SRGAP3: variants seen among roughly 807,000 people sequenced by gnomAD.
The protein encoded by SRGAP3 is SLIT-ROBO Rho GTPase activating protein 3, also known as SLIT-ROBO Rho GTPase-activating protein 3.
In SRGAP3, 39 loss-of-function variants were observed where a neutral mutation model predicts 121.1. The observed-to-expected ratio is 0.32, with a 90% CI of 0.25 to 0.42. The LOEUF is 0.42. SRGAP3 is among the 10% of genes least tolerant of loss of function. SRGAP3 has a pLI of 1.00. For missense variants in SRGAP3, 1,213 were observed against 1,470.6 expected, an observed-to-expected ratio of 0.82 and a Z score of 2.86; for synonymous variants, 601 against 570.0, an observed-to-expected ratio of 1.05 and a Z score of -0.77.
At position 8,990,561 on chromosome 3, in the gene SRGAP3, T is replaced by C; in HGVS notation, c.2837A>G (p.His946Arg). The C allele has an allele frequency of 6.3e-7, 1 of 1,582,554 alleles. No individual in the cohort carries two copies. The highest frequency in any genetic ancestry group is 1.2e-5 in the South Asian group (1 of 86,732). Reference protein sequence around the residue: ...SMRSTCGSTRHSSLGDHKSLE... With the variant: ...SMRSTCGSTRRSSLGDHKSLE... ...GGACTTGTGGTCCCCTAGGCTGCTG[T>C]GCCTGGTGGAACCGCAGGTCGACCT... is the stretch of plus-strand genomic sequence containing the variant. The change falls in exon 21 of 22, where the codon CAC (histidine) becomes CGC (arginine). Residue 946 changes from histidine (H) to arginine (R), a missense_variant. By Grantham distance (29) the His-to-Arg change is conservative. Coordinates refer to ENST00000383836, the MANE Select transcript of SRGAP3 (RefSeq NM_014850.4).
chr3:9,003,878 A>C (rs987522435), intron 18 of SRGAP3, among the ~76,000 whole-genome samples: 4 of 152,244 alleles, frequency 2.6e-5, no homozygotes, highest in African/African-American at 9.6e-5. Flanking sequence ...TCAGTGTTGT[A>C]CTGGAGATTC....
intron 3 of SRGAP3, among the ~76,000 whole-genome samples, chr3:9,259,763 A>C (rs944606416): frequency 6.6e-6 from 1 of 151,380 alleles, no homozygotes; most frequent in African/African-American, 2.4e-5. Flanking sequence ...GCCATTGAGC[A>C]CTTAAAATGT....
At chr3:9,273,159 T>C (rs919232481) in intron 3 of SRGAP3, among the ~76,000 whole-genome samples, 4 of 152,176 alleles carry the variant, frequency 2.6e-5, no homozygotes, top group Non-Finnish European at 5.9e-5. Context: ...ATCCCTCACA[T>C]GTGCAGTTCA....
chr3:9,346,219 G>C (rs1955889008), intron 1 of SRGAP3, among the ~76,000 whole-genome samples: 1 of 151,722 alleles, frequency 6.6e-6, no homozygotes, highest in South Asian at 2.1e-4. Flanking sequence ...AAAGTGTAAT[G>C]TTGTTTTTCT....
intron 1 of SRGAP3, among the ~76,000 whole-genome samples, chr3:9,138,338 T>C (rs1048241236): frequency 6.6e-6 from 1 of 152,144 alleles, no homozygotes; most frequent in African/African-American, 2.4e-5. Context: ...ATAAACACAA[T>C]GAACACAAAA....
At chr3:9,055,924 G>T (rs556401245) in intron 8 of SRGAP3, among the ~76,000 whole-genome samples, 1 of 152,144 alleles carries the variant, frequency 6.6e-6, no homozygotes, top group African/African-American at 2.4e-5. Context: ...TTTTGAGATG[G>T]AACCTCACTC....
chr3:9,324,444 T>A (rs1424420542), intron 3 of SRGAP3, among the ~76,000 whole-genome samples: 3 of 151,844 alleles, frequency 2.0e-5, no homozygotes, highest in Non-Finnish European at 4.4e-5. Flanking sequence ...AAGGAAAGAA[T>A]AAAGACTGAG....
intron 3 of SRGAP3, among the ~76,000 whole-genome samples, chr3:9,264,995 A>G (rs2125257728): frequency 6.6e-6 from 1 of 152,374 alleles, no homozygotes; most frequent in African/African-American, 2.4e-5. Flanking sequence ...TACAGTAACC[A>G]AAACAGCATG....
chr3:9,046,516 C>T lies in SRGAP3; in HGVS notation c.1408+875G>A, dbSNP rs528942545. 7.2e-5 allele frequency among the ~76,000 whole-genome samples: 11 copies of T among 152,346 alleles called. No individual in the cohort carries two copies. The South Asian group carries it at 2.3e-3, about 32-fold the overall frequency. Reference sequence around the variant, plus strand: ...GCAGAAGCTAAGTGGTATAAGGCCTCATGTGCCGTGACAGCAGCTGGGATT... The same window carrying T: ...GCAGAAGCTAAGTGGTATAAGGCCTTATGTGCCGTGACAGCAGCTGGGATT... On this transcript the variant is annotated intron_variant, in intron 10 of 21. Coordinates refer to ENST00000383836, the MANE Select transcript of SRGAP3 (RefSeq NM_014850.4).
chr3:9,209,424 A>G (rs9815212), intron 1 of SRGAP3, among the ~76,000 whole-genome samples: 6,892 of 152,322 alleles, frequency 0.045, 495 homozygotes, highest in African/African-American at 0.15. Flanking sequence ...AACCTTTCTA[A>G]TAATGAGAGA....
Position 9,249,086 on chromosome 3 carries a change from G to T in SRGAP3, c.-135C>A. On this transcript the variant is annotated 5_prime_UTR_variant, in exon 1 of 22. Transcript: ENST00000383836. ...TTTAGGGACTAATCTCTTTCACTTG[G>T]CTGCAGAGCAGGGAGAAAAATCCTT... 1.1e-6 allele frequency: 1 copy of T among 871,380 alleles called. No homozygotes were observed. 54.0% of individuals were successfully genotyped at this position (871,380 alleles called of 1,614,324 possible). A position where few individuals can be genotyped will look rare whatever the true frequency, so the allele number is the denominator to read the frequency against.
intron 3 of SRGAP3, among the ~76,000 whole-genome samples, chr3:9,310,429 T>C (rs1955222783): frequency 6.6e-6 from 1 of 152,174 alleles, no homozygotes; most frequent in Non-Finnish European, 1.5e-5. Flanking sequence ...TTGGTTACCA[T>C]AAGCTCATCA....
chr3:9,190,914 C>T (rs1374722823), intron 1 of SRGAP3, among the ~76,000 whole-genome samples: 3 of 152,188 alleles, frequency 2.0e-5, no homozygotes, highest in South Asian at 2.1e-4. Flanking sequence ...CTTTGTTCCA[C>T]GACCTTGGCC....
chr3:9,141,553 GGTGTGTGTGTGTGTGT>G (rs3067669), intron 1 of SRGAP3, among the ~76,000 whole-genome samples: 110 of 138,456 alleles, frequency 7.9e-4, no homozygotes, highest in African/African-American at 2.4e-3. Context: ...TGACTTCAGG[GGTGTGTGTGTGTGTGT>G]GTGTGTGTGT....
intron 3 of SRGAP3, among the ~76,000 whole-genome samples, chr3:9,318,711 A>C (rs76376245): frequency 7.6e-6 from 1 of 132,392 alleles, no homozygotes; most frequent in Admixed American, 7.4e-5. Flanking sequence ...CCATCTGTAC[A>C]AAAAAAAAAA....
At chr3:9,299,881 G>T (rs1955020747) in intron 3 of SRGAP3, among the ~76,000 whole-genome samples, 1 of 151,996 alleles carries the variant, frequency 6.6e-6, no homozygotes, top group Non-Finnish European at 1.5e-5. Context: ...CTCTAGCCTG[G>T]GCGACAGAGT....
intron 1 of SRGAP3, among the ~76,000 whole-genome samples, chr3:9,191,177 G>A (rs1951743369): frequency 6.6e-6 from 1 of 152,176 alleles, no homozygotes; most frequent in African/African-American, 2.4e-5. Flanking sequence ...TAGAGAGACT[G>A]GAACAACATC....
At chr3:9,079,941 G>T (rs1560097964) in intron 4 of SRGAP3, 84 bp downstream of exon 4, 1 of 1,490,808 alleles carries the variant, frequency 6.7e-7, no homozygotes, top group Admixed American at 1.8e-5. Context: ...GGTCATTCCA[G>T]ACCTCTGTTT....
At chr3:9,096,100 A>T (rs1479505451) in intron 3 of SRGAP3, among the ~76,000 whole-genome samples, 2 of 152,110 alleles carry the variant, frequency 1.3e-5, no homozygotes, top group African/African-American at 4.8e-5. Context: ...ACAAAACACA[A>T]AAAACAAAAA....
Sources: gnomAD v4.1 joint callset for allele counts (sites outside exome capture counted in the v4.1 genomes callset) on GRCh38, gnomAD v4.1.1 for gene constraint, MANE v1.5 for transcripts, NCBI Gene and HGNC (gene_info 2026-07-23, HGNC 2026-07-21) for gene names.